FRMD3: variants seen among roughly 807,000 people sequenced by gnomAD.
FRMD3 encodes the protein FERM domain containing 3, also known as FERM domain-containing protein 3.
Under a neutral mutation model 70.2 loss-of-function variants are expected in FRMD3, and 33 were observed. The observed-to-expected ratio is 0.47, with a 90% CI of 0.36 to 0.63. FRMD3 has a LOEUF of 0.63. FRMD3 is among the 20% of genes least tolerant of loss of function. The pLI is 0.00. For synonymous variants in FRMD3, 279 were observed against 255.9 expected (o/e 1.09, Z -0.86); for missense variants, 632 against 711.4 (o/e 0.89, Z 1.27).
chr9:83,370,716 A>G (rs1489456842), intron 3 of FRMD3, among the ~76,000 whole-genome samples: 2 of 152,218 alleles, frequency 1.3e-5, no homozygotes, highest in African/African-American at 4.8e-5. Flanking sequence ...GTTCGAGACC[A>G]GCCTGGCCAA....
At chr9:83,584,828 C>T in the FRMD3 span, among the ~76,000 whole-genome samples, 10 of 152,036 alleles carry the variant, frequency 6.6e-5, no homozygotes, top group Non-Finnish European at 1.5e-4. Context: ...CTGTCTGATC[C>T]GTGAAATGGA....
At chr9:83,488,111 A>G (rs573084943) in intron 1 of FRMD3, among the ~76,000 whole-genome samples, 28 of 152,126 alleles carry the variant, frequency 1.8e-4, no homozygotes, top group Admixed American at 8.5e-4. Context: ...ATCAACATAT[A>G]TACTCCTTTG....
chr9:83,506,981 A>G (rs1271399182), intron 1 of FRMD3, among the ~76,000 whole-genome samples: 1 of 152,218 alleles, frequency 6.6e-6, no homozygotes, highest in Non-Finnish European at 1.5e-5. Flanking sequence ...AAGAGTGTCA[A>G]TATCACTAGT....
At position 83,506,517 on chromosome 9, in the gene FRMD3, T is replaced by C. The variant is rs187932043; in HGVS notation, c.147+31568A>G. ...TGGGAAGCACTTGTGTATCTAAACA[T>C]AGAAAAGGTACAGTAAAAATCGACT... On this transcript the variant is annotated intron_variant, in intron 1 of 13. Coordinates refer to ENST00000304195, the MANE Select transcript of FRMD3 (RefSeq NM_174938.6). Among the ~76,000 whole-genome samples, 108 of 152,232 alleles carry C rather than the reference T, an allele frequency of 7.1e-4. 1 individual carries two copies. Among genetic ancestry groups the C allele is most frequent in the African/African-American group, 2.6e-3 (107 of 41,534 alleles).
At chr9:83,450,848 G>T (rs1371205985) in intron 1 of FRMD3, among the ~76,000 whole-genome samples, 1 of 152,222 alleles carries the variant, frequency 6.6e-6, no homozygotes, top group Non-Finnish European at 1.5e-5. Context: ...GTAACTCAAA[G>T]TCGGAGCAGT....
At chr9:83,543,337 T>G (rs1428240110), upstream of FRMD3, among the ~76,000 whole-genome samples, 1 of 152,048 alleles carries the variant, frequency 6.6e-6, no homozygotes, top group Non-Finnish European at 1.5e-5. Context: ...TGGGGATGTT[T>G]TGGGTTGCCC....
At chr9:83,271,216 C>T (rs1195795124) in intron 13 of FRMD3, among the ~76,000 whole-genome samples, 2 of 152,190 alleles carry the variant, frequency 1.3e-5, no homozygotes, top group Admixed American at 1.3e-4. Context: ...GTGGAGTCAG[C>T]CATTAGTTAA....
intron 1 of FRMD3, among the ~76,000 whole-genome samples, chr9:83,461,245 T>G (rs1827962026): frequency 6.6e-6 from 1 of 152,126 alleles, no homozygotes; most frequent in South Asian, 2.1e-4. Flanking sequence ...AATTTGAAGA[T>G]GCTGGCTTTG....
intron 3 of FRMD3, among the ~76,000 whole-genome samples, chr9:83,351,687 TGATAGATAGATAGATA>T (rs10641248): frequency 6.9e-5 from 10 of 145,594 alleles, no homozygotes; most frequent in Non-Finnish European, 1.0e-4. Flanking sequence ...GATAGTTACA[TGATAGATAGATAGATA>T]GATAGATAGA....
Position 83,299,317 on chromosome 9 carries a change from T to C in FRMD3, c.927-131A>G, listed in dbSNP as rs997586756. 25 of 611,806 alleles carry C rather than the reference T, an allele frequency of 4.1e-5. No homozygotes were observed. The African/African-American group carries it at 4.7e-4, about 11-fold the overall frequency. The allele number at this position is 611,806 out of a possible 1,614,324, so 37.9% of individuals were successfully genotyped here. A position where few individuals can be genotyped will look rare whatever the true frequency, so the allele number is the denominator to read the frequency against. The stretch of plus-strand genomic sequence containing the variant: ...AATTTACCTTGTGACTCAGCCTGCA[T>C]TGTGCACACAAAATATAAGAAAAGC... On this transcript the variant is annotated intron_variant, in intron 10 of 13. Coordinates refer to ENST00000304195, the MANE Select transcript of FRMD3 (RefSeq NM_174938.6).
chr9:83,503,958 C>G (rs957029135), intron 1 of FRMD3, among the ~76,000 whole-genome samples: 2 of 152,188 alleles, frequency 1.3e-5, no homozygotes, highest in African/African-American at 2.4e-5. Flanking sequence ...CTCAGGGGAA[C>G]CAGCTGCTCT....
rs1253001081 is a variant in FRMD3 at position 83,244,657 on chromosome 9, C to T, written c.*3261G>A. On this transcript the variant is annotated 3_prime_UTR_variant, in exon 14 of 14. Coordinates refer to ENST00000304195, the MANE Select transcript of FRMD3 (RefSeq NM_174938.6). ...GAGTATTTTTATTAGGGATTCCTGCCACCATATTAACATATAAAACAATCT... is the reference window on the plus strand; with the variant it reads ...GAGTATTTTTATTAGGGATTCCTGCTACCATATTAACATATAAAACAATCT... The T allele has an allele frequency of 5.3e-5, 52 of 984,864 alleles. No homozygotes were observed. Among genetic ancestry groups the T allele is most frequent in the Non-Finnish European group, 5.3e-5 (44 of 829,658 alleles). The allele number at this position is 984,864 out of a possible 1,614,324, so 61.0% of individuals were successfully genotyped here.
At chr9:83,284,058 G>GTTTTTTTTTTTTTTTTTTT (rs1563993854) in intron 13 of FRMD3, among the ~76,000 whole-genome samples, 2 of 79,316 alleles carry the variant, frequency 2.5e-5, no homozygotes, top group African/African-American at 9.4e-5. Context: ...AAGCTAGGAT[G>GTTTTTTTTTTTTTTTTTTT]TTATTTTTTT....
intron 9 of FRMD3, 42 bp from the exon 10 acceptor site, chr9:83,309,666 C>A: frequency 7.8e-7 from 1 of 1,284,358 alleles, no homozygotes; most frequent in Non-Finnish European, 1.1e-6. Context: ...ACGTAAAATA[C>A]CATTTACATT....
intron 1 of FRMD3, among the ~76,000 whole-genome samples, chr9:83,402,287 C>G (rs967382150): frequency 1.4e-5 from 2 of 147,902 alleles, no homozygotes; most frequent in Admixed American, 1.4e-4. Flanking sequence ...AAATTGCATA[C>G]GAGATGGCTA....
chr9:83,323,484 T>G (rs533445735), intron 6 of FRMD3, among the ~76,000 whole-genome samples: 2 of 152,198 alleles, frequency 1.3e-5, no homozygotes, highest in Non-Finnish European at 2.9e-5. Flanking sequence ...GGTGAGGCTT[T>G]TAAGAGGTGA....
chr9:83,283,538 AAAAAAAAAAAT>A (rs59839386), intron 13 of FRMD3, among the ~76,000 whole-genome samples: 2,012 of 34,720 alleles, frequency 0.058, 53 homozygotes, highest in African/African-American at 0.084. Context: ...CTCAAAAAAA[AAAAAAAAAAAT>A]AATAATAATA....
chr9:83,252,966 T>C (rs955543321), intron 13 of FRMD3, among the ~76,000 whole-genome samples: 1 of 152,118 alleles, frequency 6.6e-6, no homozygotes, highest in South Asian at 2.1e-4. Flanking sequence ...AGATAGATCA[T>C]GGAGAAAGAA....
intron 1 of FRMD3, among the ~76,000 whole-genome samples, chr9:83,435,073 C>T (rs1047372578): frequency 6.6e-6 from 1 of 152,088 alleles, no homozygotes; most frequent in Non-Finnish European, 1.5e-5. Context: ...AAGCAATCCA[C>T]CTGCCTCAGC....
Sources: gnomAD v4.1 joint callset for allele counts (sites outside exome capture counted in the v4.1 genomes callset) on GRCh38, gnomAD v4.1.1 for gene constraint, MANE v1.5 for transcripts, NCBI Gene and HGNC (gene_info 2026-07-23, HGNC 2026-07-21) for gene names.